Variants in NBEAL1 observed in about 807,000 individuals in gnomAD.
NBEAL1 encodes neurobeachin like 1.
Under a neutral mutation model 351.3 loss-of-function variants are expected in NBEAL1, and 273 were observed. The ratio of observed to expected loss-of-function variants is 0.78; its 90% CI spans 0.70 to 0.86. The LOEUF is 0.86. Ranked by LOEUF, NBEAL1 falls within the 40% of genes least tolerant of loss-of-function variation. The pLI is 0.00. For missense variants in NBEAL1, 2,961 were observed against 3,201.3 expected (o/e 0.92, Z 1.81); for synonymous variants, 1,050 against 1,086.4 (o/e 0.97, Z 0.66).
intron 35 of NBEAL1, among the ~76,000 whole-genome samples, chr2:203,157,283 A>G (rs549137163): frequency 3.9e-4 from 60 of 152,112 alleles, no homozygotes; most frequent in Non-Finnish European, 7.9e-4. Context: ...TTATTTCCCA[A>G]TTAAAGACAA....
At chr2:203,086,856 T>G (rs947432825) in intron 10 of NBEAL1, among the ~76,000 whole-genome samples, 2 of 151,152 alleles carry the variant, frequency 1.3e-5, no homozygotes, top group Non-Finnish European at 3.0e-5. Flanking sequence ...TATTTCTAAT[T>G]TAAGTCAAAG....
chr2:203,184,046 C>T (rs942773786), intron 44 of NBEAL1, among the ~76,000 whole-genome samples: 15 of 145,234 alleles, frequency 1.0e-4, no homozygotes, highest in Non-Finnish European at 1.9e-4. Flanking sequence ...CCGTTGCATT[C>T]CAGCCCAGGC....
chr2:203,091,408 G>C (rs538580474), intron 10 of NBEAL1, among the ~76,000 whole-genome samples: 1 of 152,060 alleles, frequency 6.6e-6, no homozygotes, highest in Non-Finnish European at 1.5e-5. Flanking sequence ...TGCGTCCACC[G>C]TTTGGCTGCT....
At position 203,107,677 on chromosome 2, in the gene NBEAL1, A is replaced by T; in HGVS notation, c.1438A>T (p.Ile480Phe). ...ISNVQPLLLL[I>F]QWLPELQSHD... is the part of the protein sequence containing the mutation. ...TAATGTCCAACCTCTCTTGCTTCTT[A>T]TCCAGTGGCTTCCAGAACTACAATC... Residue 480 changes from isoleucine to phenylalanine, a missense_variant, in exon 14 of 56, where the codon ATC becomes TTC. Physicochemically the swap from Ile to Phe is conservative, Grantham distance 21 (BLOSUM62 0). Coordinates refer to ENST00000683969, the MANE Select transcript of NBEAL1 (RefSeq NM_001378026.1). The T allele has an allele frequency of 6.4e-7, 1 of 1,553,020 alleles. No individual in the cohort carries two copies. The highest frequency in any genetic ancestry group is 8.7e-7 in the Non-Finnish European group (1 of 1,147,300).
At chr2:203,167,798 T>G (rs910562819) in intron 38 of NBEAL1, among the ~76,000 whole-genome samples, 1 of 152,204 alleles carries the variant, frequency 6.6e-6, no homozygotes, top group Non-Finnish European at 1.5e-5. Context: ...CCAGTAGCTG[T>G]GTAAGCTTGG....
rs1455053181 is a variant in NBEAL1, at chr2:203,145,031, G to A, written c.5175G>A (p.Gln1725=). 2 of 1,603,690 alleles carry A rather than the reference G, an allele frequency of 1.2e-6. No homozygotes were observed. Among genetic ancestry groups the A allele is most frequent in the African/African-American group, 2.7e-5 (2 of 74,612 alleles). ...IEKYIVPYMK[Q]YEAHTFYDGH... ...GTAAGATTGTACCTTATATGAAGCA[G>A]TATGAAGCTCATACATTTTACGATG... Residue 1725 remains glutamine (Q), a synonymous_variant, in exon 33 of 56, where the codon CAG becomes CAA. Coordinates refer to ENST00000683969, the MANE Select transcript of NBEAL1 (RefSeq NM_001378026.1).
intron 36 of NBEAL1, among the ~76,000 whole-genome samples, chr2:203,161,086 G>T (rs1382516830): frequency 6.6e-6 from 1 of 152,186 alleles, no homozygotes; most frequent in East Asian, 1.9e-4. Context: ...CCAGCACTTT[G>T]GGAGGCCGAG....
chr2:203,208,148 G>T (rs6722395), intron 51 of NBEAL1, among the ~76,000 whole-genome samples: 1 of 151,946 alleles, frequency 6.6e-6, no homozygotes, highest in African/African-American at 2.4e-5. Flanking sequence ...AGCCAGGCAT[G>T]GTGGTACATG....
Position 203,136,143 on chromosome 2 carries a change from C to T in NBEAL1, c.4280C>T (p.Pro1427Leu). 1 of 1,614,030 alleles carries T rather than the reference C, an allele frequency of 6.2e-7. No homozygotes were observed. The highest frequency in any genetic ancestry group is 8.5e-7 in the Non-Finnish European group (1 of 1,179,934). Residue 1427 changes from proline (P) to leucine (L), a missense_variant, in exon 28 of 56, where the codon CCA becomes CTA. Pro to Leu is a moderately conservative substitution (Grantham distance 98, BLOSUM62 -3). Coordinates refer to ENST00000683969, the MANE Select transcript of NBEAL1 (RefSeq NM_001378026.1). ...GTGCCAGACAGTCTGCCTAGCACAC[C>T]ATCCCCAGTAGAGTCTACTAAATCG... Reference protein sequence around the residue: ...SQVPDSLPSTPSPVESTKSFS... With the variant: ...SQVPDSLPSTLSPVESTKSFS...
chr2:203,072,047 C>T (rs971640622), intron 7 of NBEAL1, among the ~76,000 whole-genome samples: 1 of 152,218 alleles, frequency 6.6e-6, no homozygotes, highest in Non-Finnish European at 1.5e-5. Context: ...CCCACTGAAA[C>T]TTGACCTGTG....
rs1254834551 is a variant in NBEAL1 at position 203,049,711 on chromosome 2, G to C, written c.144-103G>C. 2.4e-5 allele frequency: 23 copies of C among 975,828 alleles called. 1 individual carries two copies. The South Asian group carries it at 3.7e-4, about 16-fold the overall frequency. 60.4% of individuals were successfully genotyped at this position (975,828 alleles called of 1,614,324 possible). ...CACAGAGTATCTGGAATAAATAAAA[G>C]AGCTTCTTTAGGATTTGGGCTGAAA... is the stretch of plus-strand genomic sequence containing the variant. On this transcript the variant is annotated intron_variant, in intron 3 of 55. Transcript: ENST00000683969.
intron 36 of NBEAL1, among the ~76,000 whole-genome samples, chr2:203,160,732 C>T (rs766641314): frequency 6.6e-5 from 10 of 152,130 alleles, no homozygotes; most frequent in Non-Finnish European, 8.8e-5. Context: ...TTTACTTTCC[C>T]GAACTAATTC....
Position 203,056,435 on chromosome 2 carries a change from C to G in NBEAL1, c.314C>G (p.Ser105Ter). The change falls in exon 5 of 56, where the codon TCA (serine) becomes TGA (stop). Residue 105 changes from serine to a stop codon, truncating the protein, a stop_gained. Coordinates refer to ENST00000683969, the MANE Select transcript of NBEAL1 (RefSeq NM_001378026.1). LOFTEE classifies it high-confidence loss of function. ...GTCTCTTTTTCTCACAGAAATCTAT[C>G]AAATGTGGAAGAAATTGGGACTTGC... ...KFFIILCRNLSNVEEIGTCSY... is the reference protein window; with the variant it reads ...KFFIILCRNL The G allele has an allele frequency of 1.3e-6, 2 of 1,536,856 alleles. No individual in the cohort carries two copies. The highest frequency in any genetic ancestry group is 1.8e-6 in the Non-Finnish European group (2 of 1,132,718).
chr2:203,033,191 G>A (rs1448215694), intron 2 of NBEAL1, among the ~76,000 whole-genome samples: 2 of 151,662 alleles, frequency 1.3e-5, no homozygotes, highest in Admixed American at 6.6e-5. Context: ...TAGTAGAAAC[G>A]AGGTTTCACA....
chr2:203,217,250 C>T lies in NBEAL1; in HGVS notation c.8071-3C>T. The T allele has an allele frequency of 6.4e-7, 1 of 1,560,884 alleles. No homozygotes were observed. Among genetic ancestry groups the T allele is most frequent in the Non-Finnish European group, 8.7e-7 (1 of 1,155,542 alleles). ...CTTCATTTCTTTGGATTACTTTACA[C>T]AGATGCGTTCAGGTCAGCTTTCTCG... On this transcript the variant is annotated splice_region_variant and splice_polypyrimidine_tract_variant and intron_variant, in intron 55 of 55. Transcript: ENST00000683969.
intron 44 of NBEAL1, among the ~76,000 whole-genome samples, chr2:203,186,675 G>A (rs1489536939): frequency 6.6e-6 from 1 of 152,140 alleles, no homozygotes; most frequent in East Asian, 1.9e-4. Flanking sequence ...ATCTTTGTCA[G>A]CCTCTTTCCT....
At chr2:203,175,311 T>A (rs911216283) in intron 42 of NBEAL1, 24 bp downstream of exon 42, 2 of 1,611,100 alleles carry the variant, frequency 1.2e-6, no homozygotes, top group Non-Finnish European at 1.7e-6. Flanking sequence ...AAATAAGCTA[T>A]TTTTTTATGA....
At chr2:203,146,759 C>T (rs2063523672) in intron 33 of NBEAL1, among the ~76,000 whole-genome samples, 1 of 152,036 alleles carries the variant, frequency 6.6e-6, no homozygotes, top group Non-Finnish European at 1.5e-5. Context: ...CACCACTGCA[C>T]TCCAGTGTAG....
rs1289940679 is a variant in NBEAL1, at chr2:203,049,832, A to G, written c.162A>G (p.Pro54=). ...KLPTRVDDMP[P]GISLLPDNIL... ...GTTGTAGGGTAGATGATATGCCTCCAGGAATATCTCTGCTTCCTGATAATA... is the reference window on the plus strand; with the variant it reads ...GTTGTAGGGTAGATGATATGCCTCCGGGAATATCTCTGCTTCCTGATAATA... The change falls in exon 4 of 56, where the codon CCA becomes CCG. Residue 54 remains proline, a synonymous_variant. Transcript: ENST00000683969. 5.2e-6 allele frequency: 8 copies of G among 1,552,428 alleles called. No individual in the cohort carries two copies. Among genetic ancestry groups the G allele is most frequent in the Non-Finnish European group, 7.0e-6 (8 of 1,146,588 alleles).
Sources: allele counts gnomAD v4.1 joint callset (sites outside exome capture counted in the v4.1 genomes callset), GRCh38; gene constraint gnomAD v4.1.1; transcripts MANE v1.5; gene names NCBI Gene and HGNC (gene_info 2026-07-23, HGNC 2026-07-21).